The following NPSR1 variants were observed in gnomAD, a reference collection of about 807,000 sequenced individuals.
NPSR1 encodes the protein neuropeptide S receptor.
NPSR1 carries 48 observed loss-of-function variants against 46.9 expected under a neutral mutation model. The ratio of observed to expected loss-of-function variants is 1.02; its 90% CI spans 0.81 to 1.30. NPSR1 has a LOEUF of 1.30. Ranked by LOEUF, NPSR1 falls within the 50% of genes most tolerant of loss-of-function variation. The pLI, the probability that NPSR1 is intolerant of heterozygous loss-of-function variation, is 0.00. For synonymous variants in NPSR1, 176 were observed against 168.1 expected (o/e 1.05, Z -0.36); for missense variants, 450 against 449.5 (o/e 1.00, Z -0.01).
intron 1 of NPSR1, among the ~76,000 whole-genome samples, chr7:34,680,624 C>G (rs984868355): frequency 6.6e-6 from 1 of 152,126 alleles, no homozygotes; most frequent in African/African-American, 2.4e-5. Flanking sequence ...AACTGTCTAT[C>G]AAATACATGA....
At chr7:34,698,775 T>C (rs1793668481) in intron 2 of NPSR1, among the ~76,000 whole-genome samples, 1 of 152,234 alleles carries the variant, frequency 6.6e-6, no homozygotes, top group Non-Finnish European at 1.5e-5. Flanking sequence ...ATCATATGTT[T>C]GACAAGGTTT....
At chr7:34,810,712 A>C (rs1788937264) in intron 3 of NPSR1, among the ~76,000 whole-genome samples, 1 of 152,248 alleles carries the variant, frequency 6.6e-6, no homozygotes, top group African/African-American at 2.4e-5. Context: ...TTAAAAGTCA[A>C]TTCCAAACAA....
At chr7:34,876,084 G>A (rs535122880) in intron 8 of NPSR1, among the ~76,000 whole-genome samples, 48 of 152,300 alleles carry the variant, frequency 3.2e-4, no homozygotes, top group African/African-American at 7.7e-4. Flanking sequence ...AGAGATGAAG[G>A]GGCAAAAGAC....
At chr7:34,837,750 G>T (rs1045230840) in intron 6 of NPSR1, among the ~76,000 whole-genome samples, 2 of 152,162 alleles carry the variant, frequency 1.3e-5, no homozygotes, top group Non-Finnish European at 2.9e-5. Context: ...ATAAAGACAA[G>T]ACTTTTTAAA....
intron 2 of NPSR1, among the ~76,000 whole-genome samples, chr7:34,773,427 TTCTTGTTTGGTAA>T (rs1173411781): frequency 6.6e-6 from 1 of 152,158 alleles, no homozygotes; most frequent in African/African-American, 2.4e-5. Flanking sequence ...GGGATTTCCA[TTCTTGTTTGGTAA>T]TCTAAAAGCC....
chr7:34,830,432 T>C (rs1215860343), intron 5 of NPSR1, among the ~76,000 whole-genome samples: 2 of 152,226 alleles, frequency 1.3e-5, no homozygotes, highest in Non-Finnish European at 2.9e-5. Flanking sequence ...TTTTATATGC[T>C]TTTTGCCATT....
At chr7:34,715,364 T>C (rs1783510093) in intron 2 of NPSR1, among the ~76,000 whole-genome samples, 1 of 152,200 alleles carries the variant, frequency 6.6e-6, no homozygotes, top group African/African-American at 2.4e-5. Context: ...AAGTGGTTTA[T>C]AAGGTAGCCC....
intron 2 of NPSR1, among the ~76,000 whole-genome samples, chr7:34,749,108 C>T (rs180738009): frequency 6.6e-6 from 1 of 151,986 alleles, no homozygotes; most frequent in South Asian, 2.1e-4. Context: ...TCTCTTCTCC[C>T]AAATAAATAA....
At chr7:34,751,836 G>A in intron 2 of NPSR1, 2 of 1,585,792 alleles carry the variant, frequency 1.3e-6, no homozygotes, top group South Asian at 1.1e-5. Context: ...GGTAAATGAG[G>A]GTCACTGCCA....
chr7:34,695,509 C>T (rs758565485), intron 2 of NPSR1, among the ~76,000 whole-genome samples: 14 of 149,736 alleles, frequency 9.3e-5, no homozygotes, highest in Non-Finnish European at 1.8e-4. Context: ...AAATAATCAA[C>T]AAATAGACAG....
At position 34,676,236 on chromosome 7, in the gene NPSR1, A is replaced by G. The variant is rs1290201074; in HGVS notation, c.148-8316A>G. 1.3e-5 allele frequency among the ~76,000 whole-genome samples: 2 copies of G among 152,188 alleles called. 1 individual carries two copies. The highest frequency in any genetic ancestry group is 2.9e-5 in the Non-Finnish European group (2 of 68,034). ...TACTATGTAACAGGCACTGAGCTAA[A>G]AATCTCCATCTTCATCATCTTATCT... On this transcript the variant is annotated intron_variant, in intron 1 of 8. Coordinates refer to ENST00000360581, the MANE Select transcript of NPSR1 (RefSeq NM_207172.2).
At chr7:34,875,233 C>T (rs1207994146) in intron 8 of NPSR1, among the ~76,000 whole-genome samples, 1 of 152,206 alleles carries the variant, frequency 6.6e-6, no homozygotes, top group African/African-American at 2.4e-5. Flanking sequence ...CCATACTGAG[C>T]AAGTTCCTGA....
At chr7:34,875,529 T>C (rs1791553904) in intron 8 of NPSR1, among the ~76,000 whole-genome samples, 1 of 152,160 alleles carries the variant, frequency 6.6e-6, no homozygotes, top group South Asian at 2.1e-4. Flanking sequence ...CCATCATCAG[T>C]CTACCCTCCA....
At chr7:34,748,969 A>C (rs1785364519) in intron 2 of NPSR1, among the ~76,000 whole-genome samples, 1 of 152,096 alleles carries the variant, frequency 6.6e-6, no homozygotes, top group Non-Finnish European at 1.5e-5. Flanking sequence ...AAGGCAAGCT[A>C]CTTGGAAACT....
rs151045006 is a variant in NPSR1 at position 34,811,281 on chromosome 7, T to C, written c.385-489T>C. Among the ~76,000 whole-genome samples the C allele has an allele frequency of 1.1e-3, 170 of 151,960 alleles. 1 individual carries two copies. The highest frequency in any genetic ancestry group is 3.6e-3 in the African/African-American group (149 of 41,474). ...ATGGGGAACTGGAAGGGGGATGGAG[T>C]GGGAAGATGATCTTCCCCTGGAGTT... is the stretch of plus-strand genomic sequence containing the variant. On this transcript the variant is annotated intron_variant, in intron 3 of 8. Coordinates refer to ENST00000360581, the MANE Select transcript of NPSR1 (RefSeq NM_207172.2).
At chr7:34,848,773 CT>C in intron 8 of NPSR1, 110 bp downstream of exon 8, 2 of 960,294 alleles carry the variant, frequency 2.1e-6, no homozygotes, top group Non-Finnish European at 3.1e-6. Context: ...CAGGATCCCC[CT>C]TTTATAGATG....
chr7:34,707,721 T>C (rs1322889680), intron 2 of NPSR1, among the ~76,000 whole-genome samples: 2 of 152,204 alleles, frequency 1.3e-5, no homozygotes, highest in Non-Finnish European at 2.9e-5. Context: ...GCCTCAGCAA[T>C]GCAGCAGTGG....
At chr7:34,857,471 G>A (rs1423371785) in intron 8 of NPSR1, among the ~76,000 whole-genome samples, 2 of 151,702 alleles carry the variant, frequency 1.3e-5, no homozygotes, top group East Asian at 1.9e-4. Context: ...ATAGGTAAAC[G>A]ATTTGTTTCA....
intron 2 of NPSR1, among the ~76,000 whole-genome samples, chr7:34,710,397 A>G (rs564227459): frequency 1.3e-5 from 2 of 152,376 alleles, no homozygotes; most frequent in South Asian, 4.1e-4. Context: ...TTCTAATATT[A>G]GTGACTAAAC....
Sources: allele counts gnomAD v4.1 joint callset (sites outside exome capture counted in the v4.1 genomes callset), GRCh38; gene constraint gnomAD v4.1.1; transcripts MANE v1.5; gene names NCBI Gene and HGNC (gene_info 2026-07-23, HGNC 2026-07-21).